SOX6: variants seen among roughly 807,000 people sequenced by gnomAD.
SOX6 encodes SRY-box transcription factor 6, also known as transcription factor SOX-6.
Under a neutral mutation model 97.8 loss-of-function variants are expected in SOX6, and 11 were observed. The ratio of observed to expected loss-of-function variants is 0.11; its 90% CI spans 0.07 to 0.19. The LOEUF is 0.19. Among genes scored for constraint, SOX6 ranks in the 10% least tolerant of loss-of-function variants. The pLI is 1.00. For missense variants in SOX6, 810 were observed against 1,039.5 expected (o/e 0.78, Z 3.04); for synonymous variants, 360 against 371.4 (o/e 0.97, Z 0.35).
In SOX6 at chr11:16,186,799, C is replaced by T. The variant is rs1224137425; in HGVS notation, c.692G>A (p.Arg231His). The change falls in exon 5 of 16, where the codon CGC (arginine) becomes CAC (histidine). Residue 231 changes from arginine (R) to histidine (H), a missense_variant. Physicochemically the swap from Arg to His is conservative, Grantham distance 29. Transcript: ENST00000683767. ...AGGGCTCACCTGTTCTTGCTGTTGG[C>T]GAGCAAGGTCCATTTGCTGCCGTTG... The part of the protein sequence containing the change: ...EKQRQQMDLA[R>H]QQQEQIARQQ... 6 of 1,613,050 alleles carry T rather than the reference C, an allele frequency of 3.7e-6. No homozygotes were observed. In the East Asian group the frequency reaches 8.9e-5, roughly 24 times the overall value.
At chr11:16,108,842 G>A (rs183512125) in intron 7 of SOX6, among the ~76,000 whole-genome samples, 2 of 152,222 alleles carry the variant, frequency 1.3e-5, no homozygotes, top group East Asian at 3.9e-4. Context: ...GGTGGGGAGT[G>A]AAGGCCTATA....
intron 6 of SOX6, among the ~76,000 whole-genome samples, chr11:16,159,227 A>G (rs537296313): frequency 6.6e-6 from 1 of 152,236 alleles, no homozygotes; most frequent in Non-Finnish European, 1.5e-5. Context: ...CTGTGTTTAA[A>G]TCCTCTTTTC....
chr11:16,019,295 T>A (rs942449972), intron 12 of SOX6, among the ~76,000 whole-genome samples: 3 of 152,118 alleles, frequency 2.0e-5, no homozygotes, highest in Admixed American at 6.6e-5. Context: ...AGTACACGTC[T>A]GGTCAATGAT....
At chr11:16,614,380 C>T (rs980041436) in intron 3 of SOX6, among the ~76,000 whole-genome samples, 3 of 152,124 alleles carry the variant, frequency 2.0e-5, no homozygotes, top group Admixed American at 2.0e-4. Flanking sequence ...ACGAGAATTG[C>T]GTGCAAGAGA....
intron 4 of SOX6, among the ~76,000 whole-genome samples, chr11:16,569,002 AG>A (rs918541378): frequency 6.6e-6 from 1 of 152,232 alleles, no homozygotes; most frequent in African/African-American, 2.4e-5. Flanking sequence ...ACTGAATGAA[AG>A]AAAAAACAAA....
At chr11:16,404,459 A>G (rs558920079) in intron 1 of SOX6, among the ~76,000 whole-genome samples, 1 of 152,078 alleles carries the variant, frequency 6.6e-6, no homozygotes, top group Non-Finnish European at 1.5e-5. Flanking sequence ...ATATACTTTT[A>G]TTGTTAACAA....
intron 12 of SOX6, among the ~76,000 whole-genome samples, chr11:16,039,005 G>A (rs1352928919): frequency 6.6e-6 from 1 of 152,098 alleles, no homozygotes; most frequent in Non-Finnish European, 1.5e-5. Context: ...GAAATACTGT[G>A]GCTGTTGTAA....
chr11:16,588,390 T>C (rs1256540538), intron 4 of SOX6, among the ~76,000 whole-genome samples: 1 of 152,200 alleles, frequency 6.6e-6, no homozygotes, highest in Admixed American at 6.5e-5. Flanking sequence ...TTTTTGCTAC[T>C]ATAGCAAATT....
intron 3 of SOX6, among the ~76,000 whole-genome samples, chr11:16,655,429 C>T (rs1847707903): frequency 6.6e-6 from 1 of 152,120 alleles, no homozygotes; most frequent in African/African-American, 2.4e-5. Flanking sequence ...AAAGAGGAAA[C>T]ACGAAAGGTG....
chr11:16,632,712 C>G (rs770742888), intron 3 of SOX6, among the ~76,000 whole-genome samples: 1 of 152,236 alleles, frequency 6.6e-6, no homozygotes, highest in Non-Finnish European at 1.5e-5. Context: ...GCAACCTCCT[C>G]GGCCCTCTTT....
intron 1 of SOX6, among the ~76,000 whole-genome samples, chr11:16,366,639 ATTAC>A (rs1480572416): frequency 6.6e-6 from 1 of 152,114 alleles, no homozygotes; most frequent in Non-Finnish European, 1.5e-5. Flanking sequence ...TATCATCACA[ATTAC>A]TTTCTTTCTG....
In SOX6 at chr11:16,125,816, T is replaced by TGGAAGGAAGGAAGGAAGGAAGGAAGGA. The variant is rs1849594020; in HGVS notation, c.778-13894_778-13893insTCCTTCCTTCCTTCCTTCCTTCCTTCC. 3.0e-5 allele frequency among the ~76,000 whole-genome samples: 3 copies of TGGAAGGAAGGAAGGAAGGAAGGAAGGA among 99,660 alleles called. No individual in the cohort carries two copies. In the South Asian group the frequency reaches 1.1e-3, roughly 38 times the overall value. 65.4% of individuals were successfully genotyped at this position (99,660 alleles called of 152,430 possible). A position where few individuals can be genotyped will look rare whatever the true frequency, so the allele number is the denominator to read the frequency against. On this transcript the variant is annotated intron_variant, in intron 6 of 15. Coordinates refer to ENST00000683767, the MANE Select transcript of SOX6 (RefSeq NM_001367873.1). Reference sequence around the variant, plus strand: ...CTTTCACATGTTCTTAAAGAAATCATAGGAAGGAAGGAAGGAAGGAAGGAA... The same window carrying TGGAAGGAAGGAAGGAAGGAAGGAAGGA: ...CTTTCACATGTTCTTAAAGAAATCATGGAAGGAAGGAAGGAAGGAAGGAAGGAAGGAAGGAAGGAAGGAAGGAAGGAA...
At chr11:16,008,807 C>T (rs1352681571) in intron 13 of SOX6, among the ~76,000 whole-genome samples, 1 of 151,920 alleles carries the variant, frequency 6.6e-6, no homozygotes, top group African/African-American at 2.4e-5. Context: ...TGTTTATATC[C>T]ACAGTAAAAT....
chr11:16,318,050 T>A (rs1196022924), intron 3 of SOX6: 1 of 413,006 alleles, frequency 2.4e-6, no homozygotes, highest in Non-Finnish European at 4.8e-6. Flanking sequence ...TGAAGAGAAA[T>A]ATTTTTAATT....
chr11:16,496,331 C>T (rs1399456212), intron 4 of SOX6, among the ~76,000 whole-genome samples: 1 of 134,742 alleles, frequency 7.4e-6, no homozygotes, highest in Non-Finnish European at 1.6e-5. Context: ...AAAAAAAAAA[C>T]AGAGGGTGGA....
chr11:16,156,668 C>G (rs936569605), intron 6 of SOX6, among the ~76,000 whole-genome samples: 1 of 151,924 alleles, frequency 6.6e-6, no homozygotes, highest in Non-Finnish European at 1.5e-5. Flanking sequence ...TCTTTCTACT[C>G]CATCTTTACT....
rs1857070122 is a variant in SOX6 at position 16,356,244 on chromosome 11, C to T, written c.-155G>A. On this transcript the variant is annotated 5_prime_UTR_variant, in exon 1 of 16. It adds an upstream start codon to the 5' untranslated region. Coordinates refer to ENST00000683767, the MANE Select transcript of SOX6 (RefSeq NM_001367873.1). ...CAAAAAAAAAAAAAACCCAACCCCA[C>T]AGCTAATTAATCTCTGCCAAGTCTC... is the stretch of plus-strand genomic sequence containing the variant. 6.6e-6 allele frequency among the ~76,000 whole-genome samples: 1 copy of T among 151,046 alleles called. No homozygotes were observed. Among genetic ancestry groups the T allele is most frequent in the Non-Finnish European group, 1.5e-5 (1 of 67,828 alleles).
intron 1 of SOX6, chr11:16,402,950 A>C: frequency 1.0e-6 from 1 of 959,942 alleles, no homozygotes; most frequent in South Asian, 1.5e-5. Flanking sequence ...TTTTACACCA[A>C]GGTGGGGGAG....
intron 4 of SOX6, among the ~76,000 whole-genome samples, chr11:16,225,968 A>G (rs1442186768): frequency 6.6e-6 from 1 of 152,204 alleles, no homozygotes; most frequent in Non-Finnish European, 1.5e-5. Context: ...CTAATAAAGT[A>G]ACAGGGAGTA....
Sources: allele counts gnomAD v4.1 joint callset (sites outside exome capture counted in the v4.1 genomes callset), GRCh38; gene constraint gnomAD v4.1.1; transcripts MANE v1.5; gene names NCBI Gene and HGNC (gene_info 2026-07-23, HGNC 2026-07-21).